FUT8: variants seen among roughly 807,000 people sequenced by gnomAD.
FUT8 encodes the protein fucosyltransferase 8, also known as alpha-(1,6)-fucosyltransferase.
In FUT8, 29 loss-of-function variants were observed where a neutral mutation model predicts 71.3. The observed-to-expected ratio is 0.41, with a 90% confidence interval of 0.30 to 0.55. The LOEUF (loss-of-function observed/expected upper bound fraction) is 0.55. Ranked by LOEUF, FUT8 falls within the 20% of genes least tolerant of loss-of-function variation. The pLI, the probability that FUT8 is intolerant of heterozygous loss-of-function variation, is 0.34. For missense variants in FUT8, 544 were observed against 702.1 expected (o/e 0.77, Z 2.55); for synonymous variants, 254 against 239.3 (o/e 1.06, Z -0.57).
intron 1 of FUT8, among the ~76,000 whole-genome samples, chr14:65,414,366 G>A (rs552477126): frequency 6.6e-6 from 1 of 151,966 alleles, no homozygotes; most frequent in South Asian, 2.1e-4. Context: ...TCTTTAAATA[G>A]GTGCATCATA....
intron 9 of FUT8, among the ~76,000 whole-genome samples, chr14:65,725,175 T>C (rs1033986081): frequency 6.6e-6 from 1 of 152,226 alleles, no homozygotes. Flanking sequence ...AAAGTAAGTT[T>C]TGTAAGTTGA....
At chr14:65,410,322 TA>T (rs1379886347), upstream of FUT8, among the ~76,000 whole-genome samples, 1 of 152,218 alleles carries the variant, frequency 6.6e-6, no homozygotes, top group Non-Finnish European at 1.5e-5. Context: ...TGTTCTCAAA[TA>T]TCAGTTGTTT....
At chr14:65,682,913 G>T (rs1045495846) in intron 7 of FUT8, among the ~76,000 whole-genome samples, 1 of 152,018 alleles carries the variant, frequency 6.6e-6, no homozygotes, top group African/African-American at 2.4e-5. Context: ...TGTGAAAATG[G>T]TAGTGCTTTA....
intron 5 of FUT8, among the ~76,000 whole-genome samples, chr14:65,616,688 G>A (rs1025649103): frequency 1.3e-5 from 2 of 152,146 alleles, no homozygotes; most frequent in African/African-American, 4.8e-5. Flanking sequence ...TATATAATCA[G>A]TATTTGAAGT....
chr14:65,467,617 G>A lies in FUT8; in HGVS notation c.-228+11899G>A, dbSNP rs749225603. On this transcript the variant is annotated intron_variant, in intron 2 of 10. Coordinates refer to ENST00000673929, the MANE Select transcript of FUT8 (RefSeq NM_001371533.1). This position sits in a 1 kb window ranked among gnomAD's most constrained non-coding sequence, Gnocchi z 4.1. ...TCAGCCTCCTGAGTAGCTGGAATTA[G>A]AGGCGCCCATCACCACGCCCAGCTA... Among the ~76,000 whole-genome samples, 6 of 151,980 alleles carry A rather than the reference G, an allele frequency of 3.9e-5. No homozygotes were observed. Among genetic ancestry groups the A allele is most frequent in the Non-Finnish European group, 8.8e-5 (6 of 67,980 alleles).
upstream of FUT8, among the ~76,000 whole-genome samples, chr14:65,406,182 A>G (rs1175368788): frequency 1.3e-5 from 2 of 152,280 alleles, no homozygotes; most frequent in African/African-American, 4.8e-5. Flanking sequence ...ATCATTTAAT[A>G]GGGCTGCAAT....
intron 2 of FUT8, among the ~76,000 whole-genome samples, chr14:65,493,771 T>A (rs2066518340): frequency 6.6e-6 from 1 of 151,928 alleles, no homozygotes; most frequent in African/African-American, 2.4e-5. Flanking sequence ...GGGATAACCT[T>A]GGAGGCCTCT....
chr14:65,507,062 G>A (rs2139797300), intron 2 of FUT8, among the ~76,000 whole-genome samples: 1 of 152,274 alleles, frequency 6.6e-6, no homozygotes, highest in Middle Eastern at 3.4e-3. Flanking sequence ...ATTAACAAAG[G>A]CTTGAGTCAA....
chr14:65,589,282 A>G (rs1324334275), intron 3 of FUT8, among the ~76,000 whole-genome samples: 1 of 152,162 alleles, frequency 6.6e-6, no homozygotes, highest in Non-Finnish European at 1.5e-5. Flanking sequence ...GCATTATTTA[A>G]TGAAACTCAC....
At chr14:65,696,172 A>G (rs1284626670) in intron 7 of FUT8, among the ~76,000 whole-genome samples, 1 of 152,172 alleles carries the variant, frequency 6.6e-6, no homozygotes, top group Non-Finnish European at 1.5e-5. Context: ...GATTTCATTT[A>G]TACCTCTCTA....
At chr14:65,478,931 T>C (rs1011212236) in intron 2 of FUT8, among the ~76,000 whole-genome samples, 1 of 152,234 alleles carries the variant, frequency 6.6e-6, no homozygotes, top group Non-Finnish European at 1.5e-5. Context: ...ACATAAATTC[T>C]GTTAATTGAT....
At chr14:65,494,776 T>C (rs747881062) in intron 2 of FUT8, among the ~76,000 whole-genome samples, 1 of 151,174 alleles carries the variant, frequency 6.6e-6, no homozygotes, top group African/African-American at 2.4e-5. Flanking sequence ...TTAAATCCTA[T>C]AAAAAGAAAA....
At chr14:65,532,252 A>G (rs772439823) in intron 2 of FUT8, among the ~76,000 whole-genome samples, 1 of 152,154 alleles carries the variant, frequency 6.6e-6, no homozygotes, top group East Asian at 1.9e-4. Flanking sequence ...GTGTGTAAGC[A>G]TTCTCTTTCC....
chr14:65,699,027 T>C (rs921208311), intron 7 of FUT8, among the ~76,000 whole-genome samples: 1 of 152,088 alleles, frequency 6.6e-6, no homozygotes, highest in Non-Finnish European at 1.5e-5. Flanking sequence ...GGAGTACATA[T>C]CAAATGTCGG....
chr14:65,692,722 C>T (rs1289354232), intron 7 of FUT8, among the ~76,000 whole-genome samples: 33 of 149,870 alleles, frequency 2.2e-4, no homozygotes, highest in Admixed American at 1.4e-3. Context: ...GGGCGGCTGC[C>T]GGGCGGAGGG....
the FUT8 span, among the ~76,000 whole-genome samples, chr14:65,359,357 A>G: frequency 1.3e-5 from 2 of 152,196 alleles, no homozygotes; most frequent in Non-Finnish European, 2.9e-5. Flanking sequence ...AAAATTCATC[A>G]TTTTAACTAT....
At chr14:65,673,881 T>G (rs1234371285) in intron 7 of FUT8, among the ~76,000 whole-genome samples, 2 of 152,202 alleles carry the variant, frequency 1.3e-5, no homozygotes, top group African/African-American at 4.8e-5. Context: ...TTAAACTGTT[T>G]ATTCAAATAT....
chr14:65,672,253 T>C (rs1892508786), intron 7 of FUT8, among the ~76,000 whole-genome samples: 1 of 152,212 alleles, frequency 6.6e-6, no homozygotes, highest in Non-Finnish European at 1.5e-5. Context: ...GTACATGCCA[T>C]GTCTATTCCT....
intron 7 of FUT8, among the ~76,000 whole-genome samples, chr14:65,695,777 G>T (rs987101744): frequency 2.6e-5 from 4 of 151,518 alleles, no homozygotes; most frequent in Admixed American, 2.0e-4. Flanking sequence ...CTATAATTGT[G>T]GCTGTTTTCT....
Sources: allele counts gnomAD v4.1 joint callset (sites outside exome capture counted in the v4.1 genomes callset), GRCh38; gene constraint gnomAD v4.1.1; non-coding constraint Gnocchi (gnomAD v3.1); transcripts MANE v1.5; gene names NCBI Gene and HGNC (gene_info 2026-07-23, HGNC 2026-07-21).